SYNPO2: variants seen among roughly 807,000 people sequenced by gnomAD.
The protein encoded by SYNPO2 is synaptopodin 2, also known as synaptopodin-2.
Under a neutral mutation model 85.0 loss-of-function variants are expected in SYNPO2, and 56 were observed. That is an observed-to-expected ratio of 0.66 (90% CI 0.53 to 0.82). The LOEUF is 0.82. Among genes scored for constraint, SYNPO2 ranks in the 40% least tolerant of loss-of-function variants. The pLI, the probability that SYNPO2 is intolerant of heterozygous loss-of-function variation, is 0.00. For synonymous variants in SYNPO2, 602 were observed against 591.1 expected, an observed-to-expected ratio of 1.02 and a Z score of -0.27; for missense variants, 1,575 against 1,534.2, an observed-to-expected ratio of 1.03 and a Z score of -0.44.
intron 1 of SYNPO2, among the ~76,000 whole-genome samples, chr4:118,954,435 A>G (rs1734800988): frequency 6.6e-6 from 1 of 152,144 alleles, no homozygotes. Flanking sequence ...TGGGCTCAGC[A>G]TTGCCATCTA....
At chr4:118,885,675 G>A (rs1481978474), upstream of SYNPO2, among the ~76,000 whole-genome samples, 1 of 152,124 alleles carries the variant, frequency 6.6e-6, no homozygotes, top group Non-Finnish European at 1.5e-5. Flanking sequence ...GTTTCACCAT[G>A]TTGGCCAGGC....
intron 1 of SYNPO2, among the ~76,000 whole-genome samples, chr4:118,945,266 C>A (rs1177564382): frequency 6.6e-6 from 1 of 152,038 alleles, no homozygotes; most frequent in African/African-American, 2.4e-5. Context: ...GTACAAAGAA[C>A]ACAAAGAATT....
intron 1 of SYNPO2, among the ~76,000 whole-genome samples, chr4:118,997,491 A>AG (rs1329673803): frequency 6.6e-6 from 1 of 152,146 alleles, no homozygotes. Context: ...CTTCAGAGGG[A>AG]GGGAAAAAAC....
intron 1 of SYNPO2, among the ~76,000 whole-genome samples, chr4:118,895,419 T>C (rs1319090999): frequency 2.0e-5 from 3 of 152,236 alleles, no homozygotes; most frequent in Admixed American, 6.5e-5. Flanking sequence ...GGTGTTGTGC[T>C]TCTTTGGTTA....
chr4:118,865,924 C>T (rs1373319807), intron 1 of SYNPO2, among the ~76,000 whole-genome samples: 1 of 152,064 alleles, frequency 6.6e-6, no homozygotes, highest in Non-Finnish European at 1.5e-5. Context: ...ATAAAGTGTT[C>T]TGCTGAGAAT....
At chr4:118,923,680 GC>G (rs1415875858) in intron 1 of SYNPO2, among the ~76,000 whole-genome samples, 1 of 152,098 alleles carries the variant, frequency 6.6e-6, no homozygotes, top group African/African-American at 2.4e-5. Flanking sequence ...CTGACCTGTA[GC>G]ATCTCTTCTA....
intron 1 of SYNPO2, among the ~76,000 whole-genome samples, chr4:118,891,317 G>A (rs78838288): frequency 1.7e-3 from 263 of 152,246 alleles, no homozygotes; most frequent in African/African-American, 5.5e-3. Context: ...CTGGAAGTTT[G>A]CCTTAATTTT....
chr4:118,962,499 T>C (rs1735137771), intron 1 of SYNPO2, among the ~76,000 whole-genome samples: 1 of 152,234 alleles, frequency 6.6e-6, no homozygotes, highest in South Asian at 2.1e-4. Flanking sequence ...TCTTACTTTC[T>C]AAAAACATTA....
chr4:118,916,545 T>C (rs917680292), intron 1 of SYNPO2, among the ~76,000 whole-genome samples: 9 of 141,248 alleles, frequency 6.4e-5, no homozygotes, highest in Non-Finnish European at 8.1e-5. Context: ...GTCTAAGAAA[T>C]ATAAACCTAT....
At chr4:118,940,629 A>G (rs1734274828) in intron 1 of SYNPO2, among the ~76,000 whole-genome samples, 1 of 152,142 alleles carries the variant, frequency 6.6e-6, no homozygotes, top group South Asian at 2.1e-4. Context: ...CGGTGCTGTA[A>G]GGGGTGCGGT....
intron 1 of SYNPO2, among the ~76,000 whole-genome samples, chr4:118,963,861 C>T (rs1375833930): frequency 6.6e-6 from 1 of 152,138 alleles, no homozygotes; most frequent in Non-Finnish European, 1.5e-5. Context: ...CATATTTAAC[C>T]ATTGCCTCTA....
At chr4:119,038,909 T>C (rs1490256631) in intron 4 of SYNPO2, among the ~76,000 whole-genome samples, 1 of 144,382 alleles carries the variant, frequency 6.9e-6, no homozygotes, top group Non-Finnish European at 1.5e-5. Context: ...TTTTTTTTTT[T>C]CCTTTTATAT....
chr4:119,040,912 T>C lies in SYNPO2; in HGVS notation c.3252+8885T>C, dbSNP rs139730887. ...AGCAACCTGGCCTTTTTAGAGTAAT[T>C]GATCCCCTTGCCTGAGAGGCATGAT... On this transcript the variant is annotated intron_variant, in intron 4 of 4. Coordinates refer to ENST00000307142, the MANE Select transcript of SYNPO2 (RefSeq NM_133477.3). Among the ~76,000 whole-genome samples, 88 of 152,322 alleles carry C rather than the reference T, an allele frequency of 5.8e-4. 2 individuals are homozygous for C. The highest frequency in any genetic ancestry group is 5.2e-3 in the Admixed American group (79 of 15,306).
chr4:118,877,937 A>G (rs1482063358), intron 1 of SYNPO2, among the ~76,000 whole-genome samples: 4 of 152,256 alleles, frequency 2.6e-5, no homozygotes, highest in Non-Finnish European at 5.9e-5. Flanking sequence ...TATTCACGAT[A>G]GCAAAGACTT....
chr4:118,938,232 T>C (rs1734180027), intron 1 of SYNPO2, among the ~76,000 whole-genome samples: 1 of 152,104 alleles, frequency 6.6e-6, no homozygotes, highest in Non-Finnish European at 1.5e-5. Flanking sequence ...GGCACAAGAA[T>C]TGCTTGAACC....
At chr4:118,949,881 A>G (rs1306883124) in intron 1 of SYNPO2, among the ~76,000 whole-genome samples, 1 of 152,214 alleles carries the variant, frequency 6.6e-6, no homozygotes, top group East Asian at 1.9e-4. Context: ...AATCACAAAT[A>G]TAATTAGTTT....
intron 1 of SYNPO2, among the ~76,000 whole-genome samples, chr4:118,883,046 C>A (rs1255666567): frequency 6.6e-6 from 1 of 151,264 alleles, no homozygotes; most frequent in Admixed American, 6.6e-5. Flanking sequence ...CAGGCATGAG[C>A]CACCGCGCCC....
chr4:118,991,959 G>A (rs558752829), intron 1 of SYNPO2, among the ~76,000 whole-genome samples: 24 of 152,284 alleles, frequency 1.6e-4, no homozygotes, highest in African/African-American at 5.3e-4. Flanking sequence ...AAAGGATTCA[G>A]GGGAGTTCAT....
chr4:118,985,078 C>G (rs1355044997), intron 1 of SYNPO2, among the ~76,000 whole-genome samples: 2 of 152,206 alleles, frequency 1.3e-5, no homozygotes, highest in Non-Finnish European at 2.9e-5. Flanking sequence ...AAGAAACCTA[C>G]TGGTTCAGAG....
Sources: gnomAD v4.1 joint callset for allele counts (sites outside exome capture counted in the v4.1 genomes callset) on GRCh38, gnomAD v4.1.1 for gene constraint, MANE v1.5 for transcripts, NCBI Gene and HGNC (gene_info 2026-07-23, HGNC 2026-07-21) for gene names.